The following BRWD3 variants were observed in gnomAD, a reference collection of about 807,000 sequenced individuals.
BRWD3 encodes the protein bromodomain and WD repeat domain containing 3.
Under a neutral mutation model 149.7 loss-of-function variants are expected in BRWD3, and 10 were observed. The ratio of observed to expected loss-of-function variants is 0.07; its 90% CI spans 0.04 to 0.11. BRWD3 has a LOEUF of 0.11. Ranked by LOEUF, BRWD3 falls within the 10% of genes least tolerant of loss-of-function variation. The pLI is 1.00. For missense variants in BRWD3, 940 were observed against 1,373.2 expected (o/e 0.68, Z 4.99); for synonymous variants, 504 against 456.7 (o/e 1.10, Z -1.32).
chrX:80,732,130 T>C (rs1461309845), intron 12 of BRWD3, among the ~76,000 whole-genome samples: 2 of 111,154 alleles, frequency 1.8e-5, no homozygotes, highest in Non-Finnish European at 3.8e-5. Context: ...ATATGAAACA[T>C]AAATGAACTG....
intron 40 of BRWD3, among the ~76,000 whole-genome samples, chrX:80,679,617 G>A (rs957565841): frequency 3.2e-4 from 36 of 111,425 alleles, no homozygotes; most frequent in African/African-American, 1.1e-3. Context: ...ATACAGAGCA[G>A]TAGAGTCAAA....
intron 17 of BRWD3, among the ~76,000 whole-genome samples, chrX:80,720,641 G>T (rs2073136321): frequency 9.0e-6 from 1 of 111,442 alleles, no homozygotes; most frequent in African/African-American, 3.3e-5. Flanking sequence ...GAAAAATATT[G>T]TTTATATACA....
Position 80,704,849 on chromosome X carries a change from G to A in BRWD3, c.2553-3C>T. Reference sequence around the variant, plus strand: ...CAGAATATTCACTTGATGAGTCACTGTAAATAAATCAAAATTATGGATACC... The same window carrying A: ...CAGAATATTCACTTGATGAGTCACTATAAATAAATCAAAATTATGGATACC... On this transcript the variant is annotated splice_polypyrimidine_tract_variant and splice_region_variant and intron_variant, in intron 22 of 40. Transcript: ENST00000373275. The A allele has an allele frequency of 8.3e-7, 1 of 1,201,848 alleles. No homozygotes were observed. Among genetic ancestry groups the A allele is most frequent in the Non-Finnish European group, 1.1e-6 (1 of 886,800 alleles).
At chrX:80,788,057 C>G (rs2074132882) in intron 6 of BRWD3, among the ~76,000 whole-genome samples, 1 of 108,232 alleles carries the variant, frequency 9.2e-6, no homozygotes, top group African/African-American at 3.4e-5. Flanking sequence ...GCACTCCAGC[C>G]TGGGTGACAG....
intron 8 of BRWD3, among the ~76,000 whole-genome samples, chrX:80,743,438 T>G (rs982343830): frequency 2.7e-5 from 3 of 111,989 alleles, no homozygotes; most frequent in Non-Finnish European, 5.6e-5. Flanking sequence ...ATTCCCTCTT[T>G]TTCTATTGAT....
chrX:80,791,745 A>AGTTT (rs1383916246), intron 6 of BRWD3, 109 bp downstream of exon 6: 1 of 560,962 alleles, frequency 1.8e-6, no homozygotes, highest in Non-Finnish European at 3.0e-6. Context: ...GAATGTAAAC[A>AGTTT]GTTTGTTTAT....
At position 80,809,525 on chromosome X, in the gene BRWD3, G is replaced by T; in HGVS notation, c.-54C>A. 3.9e-6 allele frequency: 3 copies of T among 760,569 alleles called. No individual in the cohort carries two copies. The highest frequency in any genetic ancestry group is 5.7e-6 in the Non-Finnish European group (3 of 521,845). 62.7% of individuals were successfully genotyped at this position (760,569 alleles called of 1,213,427 possible). A position where few individuals can be genotyped will look rare whatever the true frequency, so the allele number is the denominator to read the frequency against. ...GCTCCGGAGGGGCTGGCGGGGGCGG[G>T]TGGGGGCGCTGCCTCTATTGTGGTG... On this transcript the variant is annotated 5_prime_UTR_variant, in exon 1 of 41. Transcript: ENST00000373275.
chrX:80,780,387 C>A (rs1021565162), intron 6 of BRWD3, among the ~76,000 whole-genome samples: 1 of 110,892 alleles, frequency 9.0e-6, no homozygotes, highest in Non-Finnish European at 1.9e-5. Context: ...ATAATAAAAT[C>A]TGTTTCATTT....
chrX:80,772,377 C>T (rs927473200), intron 6 of BRWD3, among the ~76,000 whole-genome samples: 7 of 111,073 alleles, frequency 6.3e-5, no homozygotes, highest in African/African-American at 2.3e-4. Context: ...GACAGAAAAC[C>T]GAACACCGCA....
At chrX:80,728,711 CT>C (rs35233064) in intron 14 of BRWD3, 40 bp downstream of exon 14, 1 of 1,115,798 alleles carries the variant, frequency 9.0e-7, no homozygotes, top group East Asian at 3.1e-5. Context: ...AAATAATGTG[CT>C]TTTTGACCAT....
At chrX:80,809,337 G>A (rs754904728) in intron 1 of BRWD3, 33 bp from the exon 2 acceptor site, 7 of 1,169,916 alleles carry the variant, frequency 6.0e-6, no homozygotes, top group East Asian at 3.1e-5. Context: ...GGTTCAGAGG[G>A]AGGTAGAGAA....
chrX:80,701,248 T>G (rs941872171), intron 24 of BRWD3, among the ~76,000 whole-genome samples: 1 of 110,241 alleles, frequency 9.1e-6, no homozygotes, highest in Non-Finnish European at 1.9e-5. Flanking sequence ...TTTCCTCAAG[T>G]TTAAAAGCAG....
At chrX:80,704,138 G>C (rs1426785754) in intron 23 of BRWD3, among the ~76,000 whole-genome samples, 1 of 110,899 alleles carries the variant, frequency 9.0e-6, no homozygotes, top group Non-Finnish European at 1.9e-5. Flanking sequence ...GCTGAGGTGG[G>C]AGTATTGCTT....
At chrX:80,713,562 G>A (rs775110803) in intron 20 of BRWD3, among the ~76,000 whole-genome samples, 6 of 109,627 alleles carry the variant, frequency 5.5e-5, no homozygotes, top group African/African-American at 1.7e-4. Flanking sequence ...GCGGAAGGCC[G>A]CAGGGTCCTC....
Position 80,683,937 on chromosome X carries a change from A to G in BRWD3, c.4233+73T>C, listed in dbSNP as rs1033249021. On this transcript the variant is annotated intron_variant, in intron 37 of 40. Coordinates refer to ENST00000373275, the MANE Select transcript of BRWD3 (RefSeq NM_153252.5). ...TAACAAGCAATCCATGTTTCAAAAA[A>G]GATACTGAGGACCAATTTTCAGTAA... 5 of 1,041,898 alleles carry G rather than the reference A, an allele frequency of 4.8e-6. No individual in the cohort carries two copies. The African/African-American group carries it at 9.3e-5, about 19-fold the overall frequency. 85.9% of individuals were successfully genotyped at this position (1,041,898 alleles called of 1,213,427 possible). A position where few individuals can be genotyped will look rare whatever the true frequency, so the allele number is the denominator to read the frequency against.
At chrX:80,690,534 G>C (rs973293858) in intron 31 of BRWD3, among the ~76,000 whole-genome samples, 10 of 111,589 alleles carry the variant, frequency 9.0e-5, no homozygotes, top group African/African-American at 3.3e-4. Flanking sequence ...TGCAAAGGCA[G>C]ATTAACCAGT....
intron 19 of BRWD3, chrX:80,716,815 T>G (rs924011611): frequency 3.6e-5 from 4 of 112,511 alleles, no homozygotes; most frequent in African/African-American, 1.3e-4. Context: ...CTGCTTTCAA[T>G]TCTGCTTTCT....
intron 8 of BRWD3, among the ~76,000 whole-genome samples, chrX:80,740,697 C>A (rs1464843721): frequency 9.0e-6 from 1 of 110,713 alleles, no homozygotes; most frequent in Non-Finnish European, 1.9e-5. Flanking sequence ...TGCAGTGAGC[C>A]GAGATCCCAC....
chrX:80,799,044 A>T (rs2074267845), intron 4 of BRWD3, among the ~76,000 whole-genome samples: 1 of 112,122 alleles, frequency 8.9e-6, no homozygotes, highest in Non-Finnish European at 1.9e-5. Context: ...TCATTAACAC[A>T]AAGCTGCAAA....
Sources: gnomAD v4.1 joint callset for allele counts (sites outside exome capture counted in the v4.1 genomes callset) on GRCh38, gnomAD v4.1.1 for gene constraint, MANE v1.5 for transcripts, NCBI Gene and HGNC (gene_info 2026-07-23, HGNC 2026-07-21) for gene names.